ELOVL2: variants seen among roughly 807,000 people sequenced by gnomAD.
The protein encoded by ELOVL2 is very long chain fatty acid elongase 2.
ELOVL2 carries 38 observed loss-of-function variants against 37.7 expected under a neutral mutation model. That is an observed-to-expected ratio of 1.01 (90% CI 0.78 to 1.32). The LOEUF (loss-of-function observed/expected upper bound fraction) is 1.32, where lower values mean the gene tolerates loss of function less well. Among genes scored for constraint, ELOVL2 ranks in the 40% most tolerant of loss-of-function variants. The pLI is 0.00. For synonymous variants in ELOVL2, 115 were observed against 122.3 expected, an observed-to-expected ratio of 0.94 and a Z score of 0.40; for missense variants, 352 against 363.6, an observed-to-expected ratio of 0.97 and a Z score of 0.26.
chr6:11,034,398 T>C (rs1447032803), intron 1 of ELOVL2, among the ~76,000 whole-genome samples: 3 of 152,110 alleles, frequency 2.0e-5, no homozygotes, highest in Non-Finnish European at 2.9e-5. Context: ...AAAAAACACT[T>C]ACTGCCGGGC....
At chr6:10,990,496 TTC>T (rs1782136271) in intron 5 of ELOVL2, 54 bp from the exon 6 acceptor site, 6 of 1,502,662 alleles carry the variant, frequency 4.0e-6, no homozygotes, top group Non-Finnish European at 4.4e-6. Flanking sequence ...CTGTTCATTC[TTC>T]TTTGTCAAGT....
chr6:11,031,401 C>T (rs1425059025), intron 1 of ELOVL2, among the ~76,000 whole-genome samples: 2 of 152,132 alleles, frequency 1.3e-5, no homozygotes, highest in African/African-American at 4.8e-5. Flanking sequence ...TAAATTTTGC[C>T]AAGTTCATGA....
rs563768261 is a variant in ELOVL2, at chr6:11,012,606, C to T, written c.4-1797G>A. Reference sequence around the variant, plus strand: ...TCCAACATTTGTAGAGCTAAGAAAACGCTAAAGGTCACAAAGCCCGTATTA... The same window carrying T: ...TCCAACATTTGTAGAGCTAAGAAAATGCTAAAGGTCACAAAGCCCGTATTA... On this transcript the variant is annotated intron_variant, in intron 1 of 7. Transcript: ENST00000354666. 9.2e-5 allele frequency among the ~76,000 whole-genome samples: 14 copies of T among 152,200 alleles called. No homozygotes were observed. The South Asian group carries it at 1.2e-3, about 14-fold the overall frequency.
At chr6:11,000,675 A>G (rs981762792) in intron 3 of ELOVL2, among the ~76,000 whole-genome samples, 13 of 152,198 alleles carry the variant, frequency 8.5e-5, no homozygotes, top group African/African-American at 2.4e-4. Flanking sequence ...TTGGTAATCA[A>G]ACAATTTGGT....
intron 2 of ELOVL2, among the ~76,000 whole-genome samples, chr6:11,005,793 A>G (rs67580629): frequency 0.41 from 63,019 of 152,036 alleles, 13,870 homozygotes; most frequent in East Asian, 0.71. Flanking sequence ...GAAAGGGACA[A>G]GAAGTAAAGG....
rs796428731 is a variant in ELOVL2, at chr6:10,994,479, A to AG, written c.505+527_505+528insC. Among the ~76,000 whole-genome samples, 1,044 of 121,840 alleles carry AG rather than the reference A, an allele frequency of 8.6e-3. 21 individuals are homozygous for AG. Among genetic ancestry groups the AG allele is most frequent in the African/African-American group, 0.031 (974 of 31,050 alleles). The allele number at this position is 121,840 out of a possible 152,430, so 79.9% of individuals were successfully genotyped here. ...GTGAAATTCCATCTCAAAAAAAAAA[A>AG]AAAAGAACAAATATGAATGAGTGCA... On this transcript the variant is annotated intron_variant, in intron 5 of 7. Transcript: ENST00000354666.
chr6:11,002,583 G>GT (rs1782407314), intron 3 of ELOVL2, among the ~76,000 whole-genome samples: 1 of 152,174 alleles, frequency 6.6e-6, no homozygotes, highest in African/African-American at 2.4e-5. Flanking sequence ...CCTATACAAA[G>GT]TTTAAGAGAA....
At chr6:11,028,473 G>A (rs945902042) in intron 1 of ELOVL2, among the ~76,000 whole-genome samples, 3 of 152,118 alleles carry the variant, frequency 2.0e-5, no homozygotes, top group African/African-American at 7.2e-5. Flanking sequence ...AGAGGATATT[G>A]CCTCCAAGTG....
In ELOVL2 at chr6:10,981,658, C is replaced by G. The variant is rs1281537888; in HGVS notation, c.*2123G>C. ...CTGCTGAAGGACAGCTCCCTCCTTGCCATACAGATATGAAGCCCAGGAAAA... is the reference window on the plus strand; with the variant it reads ...CTGCTGAAGGACAGCTCCCTCCTTGGCATACAGATATGAAGCCCAGGAAAA... On this transcript the variant is annotated 3_prime_UTR_variant, in exon 8 of 8. Transcript: ENST00000354666. 6.6e-6 allele frequency: 1 copy of G among 152,274 alleles called. No individual in the cohort carries two copies. Among genetic ancestry groups the G allele is most frequent in the African/African-American group, 2.4e-5 (1 of 41,438 alleles). 9.4% of individuals were successfully genotyped at this position (152,274 alleles called of 1,614,324 possible).
Position 10,983,587 on chromosome 6 carries a change from C to A in ELOVL2, c.*194G>T. 1.9e-6 allele frequency: 1 copy of A among 520,784 alleles called. No homozygotes were observed. The highest frequency in any genetic ancestry group is 3.1e-6 in the Non-Finnish European group (1 of 320,926). The allele number at this position is 520,784 out of a possible 1,614,324, so 32.3% of individuals were successfully genotyped here. A position where few individuals can be genotyped will look rare whatever the true frequency, so the allele number is the denominator to read the frequency against. ...TTCTGAGGTCCTCGGAGGTGAGCAT[C>A]ACCTCAATGCTGATCAAAGCATTCA... On this transcript the variant is annotated 3_prime_UTR_variant, in exon 8 of 8. Transcript: ENST00000354666.
At chr6:11,016,119 CT>C (rs998643076) in intron 1 of ELOVL2, among the ~76,000 whole-genome samples, 55 of 119,388 alleles carry the variant, frequency 4.6e-4, no homozygotes, top group African/African-American at 1.6e-3. Context: ...TTTCTTTCTT[CT>C]CTTCCTTTAA....
intron 4 of ELOVL2, among the ~76,000 whole-genome samples, chr6:10,999,757 T>C (rs1420435114): frequency 6.6e-6 from 1 of 152,238 alleles, no homozygotes; most frequent in Non-Finnish European, 1.5e-5. Context: ...TCATATCATT[T>C]ATTGCACAAA....
chr6:10,984,376 ATACTT>A (rs1782003690), intron 7 of ELOVL2, among the ~76,000 whole-genome samples: 1 of 152,024 alleles, frequency 6.6e-6, no homozygotes, highest in Non-Finnish European at 1.5e-5. Context: ...TATTATTATT[ATACTT>A]TAAGTTTTAG....
At chr6:11,037,744 T>G (rs1350834414) in intron 1 of ELOVL2, among the ~76,000 whole-genome samples, 1 of 152,204 alleles carries the variant, frequency 6.6e-6, no homozygotes, top group African/African-American at 2.4e-5. Context: ...AGTCAGTGGA[T>G]TAAGTTTGAT....
intron 6 of ELOVL2, 35 bp from the exon 7 acceptor site, chr6:10,989,872 G>A (rs1449846715): frequency 1.9e-6 from 3 of 1,612,836 alleles, no homozygotes; most frequent in Non-Finnish European, 2.5e-6. Flanking sequence ...CTGTGAGCGA[G>A]CCAGGCTGTG....
chr6:11,007,256 C>T (rs913927806), intron 2 of ELOVL2, among the ~76,000 whole-genome samples: 1 of 152,148 alleles, frequency 6.6e-6, no homozygotes, highest in African/African-American at 2.4e-5. Context: ...AGTCCTAACT[C>T]CTGGTATCTG....
At chr6:11,020,764 CT>C (rs1270534996) in intron 1 of ELOVL2, among the ~76,000 whole-genome samples, 6 of 152,194 alleles carry the variant, frequency 3.9e-5, no homozygotes, top group East Asian at 1.9e-4. Flanking sequence ...ATTTTTCCCC[CT>C]AATAGGTTAA....
chr6:11,028,636 T>C (rs893680009), intron 1 of ELOVL2, among the ~76,000 whole-genome samples: 4 of 150,068 alleles, frequency 2.7e-5, no homozygotes, highest in South Asian at 2.1e-4. Context: ...AATTTTCTAA[T>C]TGCCAGTTCA....
intron 1 of ELOVL2, among the ~76,000 whole-genome samples, chr6:11,032,774 G>C (rs1782949719): frequency 6.6e-6 from 1 of 152,192 alleles, no homozygotes; most frequent in Non-Finnish European, 1.5e-5. Flanking sequence ...TTATATTGCA[G>C]TAAGGGAGAC....
Sources: gnomAD v4.1 joint callset for allele counts (sites outside exome capture counted in the v4.1 genomes callset) on GRCh38, gnomAD v4.1.1 for gene constraint, MANE v1.5 for transcripts, NCBI Gene and HGNC (gene_info 2026-07-23, HGNC 2026-07-21) for gene names.